Variants in TLE2 observed in about 807,000 individuals in gnomAD.
TLE2 encodes the protein TLE family member 2, transcriptional corepressor.
A neutral mutation model predicts 97.2 loss-of-function variants in TLE2; 74 were observed. The observed-to-expected ratio is 0.76, with a 90% CI of 0.63 to 0.92. The LOEUF (loss-of-function observed/expected upper bound fraction) is 0.92, where lower values mean the gene tolerates loss of function less well. Among genes scored for constraint, TLE2 ranks in the 40% least tolerant of loss-of-function variants. TLE2 has a pLI of 0.00. For missense variants in TLE2, 1,038 were observed against 1,008.7 expected (o/e 1.03, Z -0.39); for synonymous variants, 499 against 432.1 (o/e 1.15, Z -1.92).
chr19:3,029,560 G>C (rs922448956), upstream of TLE2: 2 of 728,272 alleles, frequency 2.7e-6, no homozygotes, highest in Non-Finnish European at 3.2e-6. Context: ...CGTGGGAGCG[G>C]GGGGGGGGGC....
At chr19:3,003,436 A>G (rs2089409107) in intron 17 of TLE2, among the ~76,000 whole-genome samples, 1 of 152,106 alleles carries the variant, frequency 6.6e-6, no homozygotes. Context: ...TCAGAAGTTC[A>G]TGACCAGCCT....
rs1165239152 is a variant in TLE2 at position 3,029,222 on chromosome 19, T to TGGCGGCGGCGCG, written c.-330_-319dup. The TGGCGGCGGCGCG allele has an allele frequency of 1.4e-5, 5 of 366,594 alleles. No homozygotes were observed. Among genetic ancestry groups the TGGCGGCGGCGCG allele is most frequent in the Admixed American group, 1.4e-4 (2 of 14,712 alleles). The allele number at this position is 366,594 out of a possible 1,614,324, so 22.7% of individuals were successfully genotyped here. A position where few individuals can be genotyped will look rare whatever the true frequency, so the allele number is the denominator to read the frequency against. ...CGGGCGCGCCGCGGCCGGGTTTCGGTGGCGGCGGCGCGGGCGGCGGGCCCC... is the reference window on the plus strand; with the variant it reads ...CGGGCGCGCCGCGGCCGGGTTTCGGTGGCGGCGGCGCGGGCGGCGGCGCGGGCGGCGGGCCCC... On this transcript the variant is annotated 5_prime_UTR_variant, in exon 1 of 20. Coordinates refer to ENST00000262953, the MANE Select transcript of TLE2 (RefSeq NM_003260.5).
intron 1 of TLE2, among the ~76,000 whole-genome samples, chr19:3,036,355 C>T (rs982603785): frequency 4.6e-5 from 7 of 152,258 alleles, no homozygotes; most frequent in Non-Finnish European, 8.8e-5. Flanking sequence ...CCGCCCGTCG[C>T]CTCCCTCCCG....
chr19:3,003,751 C>G (rs1372155154), intron 17 of TLE2, among the ~76,000 whole-genome samples: 2 of 148,064 alleles, frequency 1.4e-5, no homozygotes, highest in African/African-American at 5.0e-5. Context: ...GTCGCCCAGG[C>G]TGGAGTGCAG....
chr19:3,011,535 A>AC (rs1372199375), intron 11 of TLE2, among the ~76,000 whole-genome samples: 1 of 140,600 alleles, frequency 7.1e-6, no homozygotes, highest in Admixed American at 7.2e-5. Context: ...ATCTCAAAAA[A>AC]AAAAAAAAAG....
intron 13 of TLE2, among the ~76,000 whole-genome samples, chr19:3,009,188 T>A (rs2089538864): frequency 6.6e-6 from 1 of 152,194 alleles, no homozygotes; most frequent in Non-Finnish European, 1.5e-5. Context: ...TGAAGGGTTC[T>A]CCATCCAATG....
chr19:3,006,316 C>T, intron 15 of TLE2, 104 bp downstream of exon 15: 1 of 1,488,472 alleles, frequency 6.7e-7, no homozygotes, highest in East Asian at 2.4e-5. Context: ...CCCCGCCCTT[C>T]ACCTGTAGCC....
intron 4 of TLE2, 112 bp from the exon 5 acceptor site, chr19:3,025,194 C>T: frequency 8.4e-7 from 1 of 1,184,314 alleles, no homozygotes; most frequent in South Asian, 1.6e-5. Context: ...GGAGGTGACG[C>T]CCGCAGGTGC....
intron 5 of TLE2, among the ~76,000 whole-genome samples, chr19:3,023,181 A>G (rs1463981487): frequency 6.6e-6 from 1 of 151,486 alleles, no homozygotes; most frequent in Non-Finnish European, 1.5e-5. Flanking sequence ...CAGCCTCCCG[A>G]GTAGCTGGGA....
At chr19:3,043,812 A>AAAAAC (rs2090122760) in intron 1 of TLE2, among the ~76,000 whole-genome samples, 1 of 151,182 alleles carries the variant, frequency 6.6e-6, no homozygotes, top group Non-Finnish European at 1.5e-5. Context: ...TCCATCTCAA[A>AAAAAC]AAAACAAAAC....
At position 3,028,763 on chromosome 19, in the gene TLE2, A is replaced by G; in HGVS notation, c.65T>C (p.Leu22Ser). Residue 22 changes from leucine to serine, a missense_variant, in exon 2 of 20, where the codon TTG becomes TCG. Transcript: ENST00000262953. ...TTCTTTGATGCGGTCGCAGATCTCC[A>G]AGATCGAGAACTTGAAGGGCTGGCC... ...QSGQPFKFSILEICDRIKEEF... is the reference protein window; with the variant it reads ...QSGQPFKFSISEICDRIKEEF... 2.5e-6 allele frequency: 4 copies of G among 1,612,872 alleles called. No homozygotes were observed. Among genetic ancestry groups the G allele is most frequent in the Non-Finnish European group, 2.5e-6 (3 of 1,179,836 alleles).
upstream of TLE2, among the ~76,000 whole-genome samples, chr19:3,030,137 A>G (rs1015956426): frequency 3.9e-5 from 6 of 152,182 alleles, no homozygotes; most frequent in Non-Finnish European, 7.3e-5. Flanking sequence ...GAACGCTGTC[A>G]GCCTCTCCCT....
At position 2,997,760 on chromosome 19, in the gene TLE2, G is replaced by A. The variant is rs1272997457; in HGVS notation, c.*88C>T. 1 of 942,046 alleles carries A rather than the reference G, an allele frequency of 1.1e-6. No homozygotes were observed. Among genetic ancestry groups the A allele is most frequent in the South Asian group, 1.4e-5 (1 of 70,012 alleles). 58.4% of individuals were successfully genotyped at this position (942,046 alleles called of 1,614,324 possible). A position where few individuals can be genotyped will look rare whatever the true frequency, so the allele number is the denominator to read the frequency against. ...AGATGGGATGTACGGTTCCTAGGCA[G>A]GGCTGGGAGGCGGCTGCTAGGATGT... On this transcript the variant is annotated 3_prime_UTR_variant, in exon 20 of 20. Transcript: ENST00000262953.
intron 5 of TLE2, chr19:3,020,441 C>T (rs1397144684): frequency 6.6e-6 from 1 of 151,744 alleles, no homozygotes; most frequent in African/African-American, 2.4e-5. Flanking sequence ...GTAAAACTAC[C>T]CCCAAGAAAA....
intron 1 of TLE2, among the ~76,000 whole-genome samples, chr19:3,037,380 G>A (rs2090070569): frequency 6.6e-6 from 1 of 152,250 alleles, no homozygotes; most frequent in South Asian, 2.1e-4. Context: ...CCTCATTTGA[G>A]CAGTGCCTTT....
At chr19:3,004,476 G>A (rs1025418875) in intron 17 of TLE2, among the ~76,000 whole-genome samples, 2 of 151,802 alleles carry the variant, frequency 1.3e-5, no homozygotes, top group Non-Finnish European at 2.9e-5. Context: ...TGTCTCTACC[G>A]ACAAATACAA....
intron 8 of TLE2, chr19:3,015,961 G>C (rs979051840): frequency 1.5e-6 from 1 of 663,472 alleles, no homozygotes; most frequent in South Asian, 1.5e-5. Context: ...GTTTTTGACG[G>C]AGTCTTGCTC....
intron 10 of TLE2, 78 bp from the exon 11 acceptor site, chr19:3,013,896 T>C (rs2089648169): frequency 7.6e-7 from 1 of 1,311,420 alleles, no homozygotes; most frequent in East Asian, 2.8e-5. Context: ...TCCTCCCGAC[T>C]CCCACCCCAA....
At chr19:3,001,517 A>G (rs2089358599) in intron 18 of TLE2, among the ~76,000 whole-genome samples, 1 of 151,964 alleles carries the variant, frequency 6.6e-6, no homozygotes, top group African/African-American at 2.4e-5. Flanking sequence ...ATAGGGTCTC[A>G]CTGTATTGCC....
Sources: gnomAD v4.1 joint callset for allele counts (sites outside exome capture counted in the v4.1 genomes callset) on GRCh38, gnomAD v4.1.1 for gene constraint, MANE v1.5 for transcripts, NCBI Gene and HGNC (gene_info 2026-07-23, HGNC 2026-07-21) for gene names.